The following APOL2 variants were observed in gnomAD, a reference collection of about 807,000 sequenced individuals.
APOL2 encodes apolipoprotein L, 2.
Under a neutral mutation model 7.1 loss-of-function variants are expected in APOL2, and 8 were observed. The observed-to-expected ratio is 1.12, with a 90% CI of 0.66 to 2.03. The LOEUF is 2.03. APOL2 is among the 30% of genes most tolerant of loss of function. The pLI, the probability that APOL2 is intolerant of heterozygous loss-of-function variation, is 0.00. For synonymous variants in APOL2, 177 were observed against 159.9 expected (o/e 1.11, Z -0.81); for missense variants, 471 against 415.1 (o/e 1.13, Z -1.17).
At chr22:36,238,604 C>A in intron 1 of APOL2, among the ~76,000 whole-genome samples, 1 of 152,152 alleles carries the variant, frequency 6.6e-6, no homozygotes, top group East Asian at 1.9e-4. Context: ...AACACAGAGA[C>A]CTAAGCTCTC....
Position 36,226,787 on chromosome 22 carries a change from CT to C in APOL2, c.*616del. On this transcript the variant is annotated 3_prime_UTR_variant, in exon 5 of 5. Transcript: ENST00000358502. ...CATTGCTGGTTCCTGCAAGCTCCCC[CT>C]CTATTCTTCGCCCAATATATTCTTT... 6.3e-6 allele frequency: 1 copy of C among 157,624 alleles called. No homozygotes were observed. Among genetic ancestry groups the C allele is most frequent in the South Asian group, 1.8e-4 (1 of 5,664 alleles). The allele number at this position is 157,624 out of a possible 1,614,324, so 9.8% of individuals were successfully genotyped here.
intron 1 of APOL2, chr22:36,236,771 G>A: frequency 1.9e-6 from 2 of 1,069,472 alleles, no homozygotes; most frequent in Non-Finnish European, 2.3e-6. Flanking sequence ...TCAGGGTCGA[G>A]GCATCCAGAT....
intron 3 of APOL2, among the ~76,000 whole-genome samples, chr22:36,232,391 C>A (rs2015252635): frequency 6.6e-6 from 1 of 152,200 alleles, no homozygotes; most frequent in African/African-American, 2.4e-5. Flanking sequence ...GGTGCCCTAA[C>A]ACAGATGAGG....
chr22:36,227,081 C>T lies in APOL2; in HGVS notation c.*323G>A, dbSNP rs960116220. 17 of 216,918 alleles carry T rather than the reference C, an allele frequency of 7.8e-5. No individual in the cohort carries two copies. The highest frequency in any genetic ancestry group is 2.1e-4 in the South Asian group (2 of 9,690). The allele number at this position is 216,918 out of a possible 1,614,324, so 13.4% of individuals were successfully genotyped here. On this transcript the variant is annotated 3_prime_UTR_variant, in exon 5 of 5. Transcript: ENST00000358502. ...CTGTAATCCCAGCACTTTGGGAGGC[C>T]GAGGTGGGCAGATCACGAGGTCAGG...
At chr22:36,239,667 C>G (rs1164654262), upstream of APOL2, 15 of 643,694 alleles carry the variant, frequency 2.3e-5, no homozygotes, top group Middle Eastern at 2.5e-4. Flanking sequence ...GGCCCAGCCT[C>G]CTTGCTGCTG....
intron 4 of APOL2, among the ~76,000 whole-genome samples, chr22:36,229,833 T>C (rs2146970963): frequency 6.6e-6 from 1 of 152,338 alleles, no homozygotes; most frequent in Non-Finnish European, 1.5e-5. Context: ...CAATGCCTCA[T>C]GCCCTTTCAC....
chr22:36,235,313 GC>G (rs556576601), intron 1 of APOL2, among the ~76,000 whole-genome samples: 6 of 152,252 alleles, frequency 3.9e-5, no homozygotes, highest in African/African-American at 1.4e-4. Context: ...CAGTAGACCT[GC>G]CCCCCACCCC....
At chr22:36,237,510 G>T in intron 1 of APOL2, 1 of 455,590 alleles carries the variant, frequency 2.2e-6, no homozygotes, top group Non-Finnish European at 3.0e-6. Context: ...CTGGGCTCAA[G>T]TGATCCTTCT....
At chr22:36,239,709 C>A, upstream of APOL2, 1 of 578,012 alleles carries the variant, frequency 1.7e-6, no homozygotes, top group Non-Finnish European at 3.1e-6. Flanking sequence ...ACCAGACATC[C>A]GGGTCCCTCT....
In APOL2 at chr22:36,226,307, G is replaced by A. The variant is rs1489601189; in HGVS notation, c.*1097C>T. The A allele has an allele frequency of 2.0e-5, 3 of 152,286 alleles. No homozygotes were observed. The highest frequency in any genetic ancestry group is 1.3e-4 in the Admixed American group (2 of 15,282). The allele number at this position is 152,286 out of a possible 1,614,324, so 9.4% of individuals were successfully genotyped here. A position where few individuals can be genotyped will look rare whatever the true frequency, so the allele number is the denominator to read the frequency against. On this transcript the variant is annotated 3_prime_UTR_variant, in exon 5 of 5. Transcript: ENST00000358502. ...CTGTGCTTCCTCCCAATGCTAAACT[G>A]CTTTCATGCTAATCTTCTGACTGTT...
intron 3 of APOL2, among the ~76,000 whole-genome samples, chr22:36,232,476 G>T (rs1415473842): frequency 6.6e-6 from 1 of 152,186 alleles, no homozygotes. Context: ...TAATTCTTAG[G>T]GAGGCCCTAC....
chr22:36,233,641 C>T (rs1369872070), intron 1 of APOL2, among the ~76,000 whole-genome samples, 186 bp from the exon 2 acceptor site: 1 of 152,112 alleles, frequency 6.6e-6, no homozygotes, highest in African/African-American at 2.4e-5. Context: ...ATGTGCATGG[C>T]CTCTGACATG....
Position 36,228,161 on chromosome 22 carries a change from G to A in APOL2, c.257C>T (p.Pro86Leu). ...QHRQWFLKEF[P>L]RLKRELEDHI... Reference sequence around the variant, plus strand: ...ATCCTCAAGCTCCCTTTTCAACCGAGGAAACTCTTTCAAAAACCACTGCCT... The same window carrying A: ...ATCCTCAAGCTCCCTTTTCAACCGAAGAAACTCTTTCAAAAACCACTGCCT... The change falls in exon 5 of 5, where the codon CCT (proline) becomes CTT (leucine). Residue 86 changes from proline to leucine, a missense_variant. Coordinates refer to ENST00000358502, the MANE Select transcript of APOL2 (RefSeq NM_030882.4). 1 of 1,614,198 alleles carries A rather than the reference G, an allele frequency of 6.2e-7. No individual in the cohort carries two copies. Among genetic ancestry groups the A allele is most frequent in the Non-Finnish European group, 8.5e-7 (1 of 1,180,046 alleles).
At chr22:36,230,301 G>A (rs1456802413) in intron 4 of APOL2, among the ~76,000 whole-genome samples, 1 of 152,182 alleles carries the variant, frequency 6.6e-6, no homozygotes, top group Non-Finnish European at 1.5e-5. Context: ...AAGAGAAGAA[G>A]GTCTGAAAGG....
In APOL2 at chr22:36,239,525, A is replaced by C. The variant is rs564228890; in HGVS notation, c.-218T>G. 2.5e-6 allele frequency: 4 copies of C among 1,585,492 alleles called. No homozygotes were observed. The highest frequency in any genetic ancestry group is 3.4e-6 in the Non-Finnish European group (4 of 1,172,592). On this transcript the variant is annotated 5_prime_UTR_variant, in exon 1 of 5. The change creates a new upstream start codon in the 5' untranslated region. Transcript: ENST00000358502. ...CCCACGTCCAGCTGTGCATCTGTGT[A>C]ATAACCAGACACGTCCTCCGGCCTC... is the stretch of plus-strand genomic sequence containing the variant.
In APOL2 at chr22:36,227,245, G is replaced by A; in HGVS notation, c.*159C>T. On this transcript the variant is annotated 3_prime_UTR_variant, in exon 5 of 5. Transcript: ENST00000358502. ...GCCGGAGAATGGTGTGAACCCGGGAGGCGGAGTTTGCAGTGAGCCGAGATT... is the reference window on the plus strand; with the variant it reads ...GCCGGAGAATGGTGTGAACCCGGGAAGCGGAGTTTGCAGTGAGCCGAGATT... 2.4e-6 allele frequency: 2 copies of A among 839,476 alleles called. No homozygotes were observed. Among genetic ancestry groups the A allele is most frequent in the South Asian group, 2.2e-5 (1 of 45,870 alleles). The allele number at this position is 839,476 out of a possible 1,614,324, so 52.0% of individuals were successfully genotyped here. A position where few individuals can be genotyped will look rare whatever the true frequency, so the allele number is the denominator to read the frequency against.
rs756444914 is a variant in APOL2, at chr22:36,231,418, A to G, written c.59T>C (p.Val20Ala). The change falls in exon 4 of 5, where the codon GTG becomes GCG. Residue 20 changes from valine (V) to alanine (A), a missense_variant. Transcript: ENST00000358502. ...CAGTTGTAGCAGATTCTCTCTGCTC[A>G]CTTGGTCCTGGAAATACTTAAGGTA... ...EDYLKYFQDQVSRENLLQLLT... is the reference protein window; with the variant it reads ...EDYLKYFQDQASRENLLQLLT... 1.1e-5 allele frequency: 17 copies of G among 1,613,984 alleles called. No homozygotes were observed. In the East Asian group the frequency reaches 2.0e-4, roughly 19 times the overall value.
At chr22:36,231,794 A>T (rs1603480427) in intron 3 of APOL2, among the ~76,000 whole-genome samples, 1 of 152,216 alleles carries the variant, frequency 6.6e-6, no homozygotes, top group Non-Finnish European at 1.5e-5. Context: ...GTAAGCACAC[A>T]GCGCAAAGGC....
chr22:36,239,062 C>T (rs1243823217), intron 1 of APOL2: 5 of 1,074,908 alleles, frequency 4.7e-6, no homozygotes, highest in African/African-American at 3.2e-5. Flanking sequence ...TGCCGGGCTC[C>T]AGGTCACCTC....
Sources: gnomAD v4.1 joint callset for allele counts (sites outside exome capture counted in the v4.1 genomes callset) on GRCh38, gnomAD v4.1.1 for gene constraint, MANE v1.5 for transcripts, NCBI Gene and HGNC (gene_info 2026-07-23, HGNC 2026-07-21) for gene names.